Variants in AVL9 observed in about 807,000 individuals in gnomAD.
The protein encoded by AVL9 is late secretory pathway protein AVL9 homolog.
AVL9 carries 49 observed loss-of-function variants against 79.2 expected under a neutral mutation model. The observed-to-expected ratio is 0.62, with a 90% CI of 0.49 to 0.79. The LOEUF is 0.79. Among genes scored for constraint, AVL9 ranks in the 30% least tolerant of loss-of-function variants. AVL9 has a pLI of 0.00. For synonymous variants in AVL9, 299 were observed against 280.6 expected (o/e 1.07, Z -0.65); for missense variants, 682 against 776.8 (o/e 0.88, Z 1.45).
Position 32,579,486 on chromosome 7 carries a change from A to T in AVL9, c.1689-733A>T, listed in dbSNP as rs780448100. On this transcript the variant is annotated intron_variant, in intron 13 of 15. Coordinates refer to ENST00000318709, the MANE Select transcript of AVL9 (RefSeq NM_015060.3). ...TATATAATATATTATATTATATATA[A>T]TATATTACATATTATATATTATATA... Among the ~76,000 whole-genome samples the T allele has an allele frequency of 6.7e-4, 3 of 4,450 alleles. 1 individual carries two copies. Among genetic ancestry groups the T allele is most frequent in the African/African-American group, 3.9e-3 (3 of 778 alleles). 2.9% of individuals were successfully genotyped at this position (4,450 alleles called of 152,430 possible).
chr7:32,540,871 C>CTTTTTTTTTTTTT lies in AVL9; in HGVS notation c.94-2237_94-2225dup, dbSNP rs749306635. Among the ~76,000 whole-genome samples the CTTTTTTTTTTTTT allele has an allele frequency of 6.9e-5, 5 of 72,470 alleles. 1 individual carries two copies. Among genetic ancestry groups the CTTTTTTTTTTTTT allele is most frequent in the African/African-American group, 2.4e-4 (5 of 20,698 alleles). 47.5% of individuals were successfully genotyped at this position (72,470 alleles called of 152,430 possible). ...AATGAGATTAAGCATTGTTGTACTA[C>CTTTTTTTTTTTTT]TTTTTTTTTTTTTTTTTTTTTTTTT... On this transcript the variant is annotated intron_variant, in intron 1 of 15. Transcript: ENST00000318709.
rs535886443 is a variant in AVL9 at position 32,511,868 on chromosome 7, G to C, written c.93+16066G>C. Among the ~76,000 whole-genome samples the C allele has an allele frequency of 5.9e-5, 9 of 152,248 alleles. 1 individual carries two copies. The South Asian group carries it at 1.9e-3, about 32-fold the overall frequency. On this transcript the variant is annotated intron_variant, in intron 1 of 15. Transcript: ENST00000318709. ...GGTTGAGGCCGAGAAATTGGAGGTA[G>C]CTTTCTGGTCATTTTTCCAAATGAG...
intron 10 of AVL9, among the ~76,000 whole-genome samples, chr7:32,564,360 G>A (rs1177175022): frequency 2.0e-4 from 30 of 152,082 alleles, no homozygotes; most frequent in Non-Finnish European, 1.5e-5. Context: ...AGTAACTTTG[G>A]AATATAAAAT....
At chr7:32,518,363 T>C (rs1787998474) in intron 1 of AVL9, among the ~76,000 whole-genome samples, 1 of 152,174 alleles carries the variant, frequency 6.6e-6, no homozygotes, top group Non-Finnish European at 1.5e-5. Flanking sequence ...TTAAATGTAA[T>C]GGAATAAATA....
Position 32,559,382 on chromosome 7 carries a change from CG to C in AVL9, c.1136del (p.Gly379AspfsTer3). On this transcript the variant is annotated frameshift_variant, in exon 10 of 16. Transcript: ENST00000318709. LOFTEE classifies it high-confidence loss of function. Reference protein sequence around the residue: ...LPITVQPQANTGQVVLIPGLI... With the variant: ...LPITVQPQANXGQVVLIPGLI... ...ATTACTGTACAACCTCAAGCTAATA[CG>C]GGACAGGTAGTCCTGATACCAGGGC... 1 of 1,613,680 alleles carries C rather than the reference CG, an allele frequency of 6.2e-7. No homozygotes were observed. Among genetic ancestry groups the C allele is most frequent in the Non-Finnish European group, 8.5e-7 (1 of 1,179,892 alleles).
rs185975104 is a variant in AVL9, at chr7:32,579,144, G to A, written c.1689-1075G>A. 4.3e-3 allele frequency among the ~76,000 whole-genome samples: 646 copies of A among 148,676 alleles called. 2 individuals are homozygous for A. Among genetic ancestry groups the A allele is most frequent in the Non-Finnish European group, 5.5e-3 (370 of 67,578 alleles). ...TATAAGCAGCTATGGATTTTACTAG[G>A]GTCACTTTCTTTGTTAGACCTTGAC... On this transcript the variant is annotated intron_variant, in intron 13 of 15. Transcript: ENST00000318709.
chr7:32,526,647 G>A (rs1432319914), intron 1 of AVL9, among the ~76,000 whole-genome samples: 1 of 152,142 alleles, frequency 6.6e-6, no homozygotes, highest in Non-Finnish European at 1.5e-5. Context: ...TTCCCAGTTT[G>A]GAGGGTGCAT....
At chr7:32,575,881 C>T in intron 12 of AVL9, 74 bp from the exon 13 acceptor site, 1 of 1,083,524 alleles carries the variant, frequency 9.2e-7, no homozygotes, top group Non-Finnish European at 1.4e-6. Context: ...TTCCTTTACC[C>T]TTTTTGGTTA....
rs1791800811 is a variant in AVL9 at position 32,586,603 on chromosome 7, G to A, written c.*2696G>A. On this transcript the variant is annotated 3_prime_UTR_variant, in exon 16 of 16. Coordinates refer to ENST00000318709, the MANE Select transcript of AVL9 (RefSeq NM_015060.3). The stretch of plus-strand genomic sequence containing the variant: ...TAGGTCATCTTCTGACATAGCCCTG[G>A]TGAAGGTGTGTGTGTGTTGGTGGCC... 6.6e-6 allele frequency: 1 copy of A among 152,246 alleles called. No individual in the cohort carries two copies. The highest frequency in any genetic ancestry group is 2.1e-4 in the South Asian group (1 of 4,828). The allele number at this position is 152,246 out of a possible 1,614,324, so 9.4% of individuals were successfully genotyped here.
intron 1 of AVL9, among the ~76,000 whole-genome samples, chr7:32,511,522 A>G (rs1368576437): frequency 1.3e-5 from 2 of 152,054 alleles, no homozygotes; most frequent in Non-Finnish European, 2.9e-5. Flanking sequence ...TGGGGATTAG[A>G]GTACAGGGGA....
rs1790756354 is a variant in AVL9, at chr7:32,570,041, A to G, written c.1237A>G (p.Met413Val). ...ATAGGGATATCTGTGTTTGCCTTAC[A>G]TGGCATTGCAGCAGCATCATCTTCT... is the stretch of plus-strand genomic sequence containing the variant. ...FTKGYLCLPY[M>V]ALQQHHLLSD... Residue 413 changes from methionine to valine, a missense_variant, in exon 11 of 16, where the codon ATG becomes GTG. By Grantham distance (21) the Met-to-Val change is conservative. Transcript: ENST00000318709. The G allele has an allele frequency of 2.5e-6, 4 of 1,614,188 alleles. No individual in the cohort carries two copies. The highest frequency in any genetic ancestry group is 3.4e-6 in the Non-Finnish European group (4 of 1,180,020).
chr7:32,541,599 C>T (rs759196355), intron 1 of AVL9, among the ~76,000 whole-genome samples: 1 of 152,074 alleles, frequency 6.6e-6, no homozygotes, highest in Non-Finnish European at 1.5e-5. Context: ...TCCTGCCTTC[C>T]CTCACACTTT....
At position 32,584,670 on chromosome 7, in the gene AVL9, C is replaced by G. The variant is rs1017695930; in HGVS notation, c.*763C>G. 1 of 151,024 alleles carries G rather than the reference C, an allele frequency of 6.6e-6. No homozygotes were observed. The highest frequency in any genetic ancestry group is 1.5e-5 in the Non-Finnish European group (1 of 68,000). 9.4% of individuals were successfully genotyped at this position (151,024 alleles called of 1,614,324 possible). A position where few individuals can be genotyped will look rare whatever the true frequency, so the allele number is the denominator to read the frequency against. On this transcript the variant is annotated 3_prime_UTR_variant, in exon 16 of 16. Transcript: ENST00000318709. ...GAATGTGTCTGTAGGGCAATACTTT[C>G]AAAGAAGACCTATGTGTTTATTTTT... is the stretch of plus-strand genomic sequence containing the variant.
At chr7:32,528,104 A>G (rs189121306) in intron 1 of AVL9, among the ~76,000 whole-genome samples, 2 of 152,118 alleles carry the variant, frequency 1.3e-5, no homozygotes, top group African/African-American at 2.4e-5. Context: ...ATTCCTTTCT[A>G]TGCATAACTG....
intron 3 of AVL9, among the ~76,000 whole-genome samples, chr7:32,548,144 C>CTCTCTTTTTTTTTTTTTTTTTTTT (rs1227025763): frequency 1.2e-4 from 7 of 57,592 alleles, no homozygotes; most frequent in African/African-American, 3.2e-4. Flanking sequence ...TTTGTCATCT[C>CTCTCTTTTTTTTTTTTTTTTTTTT]TTTTTTCTTT....
At chr7:32,497,279 C>G (rs972535660) in intron 1 of AVL9, among the ~76,000 whole-genome samples, 4 of 152,152 alleles carry the variant, frequency 2.6e-5, no homozygotes, top group African/African-American at 9.7e-5. Context: ...TGCTTGAAGC[C>G]GGGAGGCAGA....
At chr7:32,560,591 C>T (rs1235504360) in intron 10 of AVL9, among the ~76,000 whole-genome samples, 3 of 152,098 alleles carry the variant, frequency 2.0e-5, no homozygotes, top group African/African-American at 7.2e-5. Context: ...TCTTGAACCC[C>T]CCAAAGTTAT....
At chr7:32,512,895 A>G (rs563272308) in intron 1 of AVL9, among the ~76,000 whole-genome samples, 9 of 152,060 alleles carry the variant, frequency 5.9e-5, no homozygotes, top group Non-Finnish European at 1.2e-4. Flanking sequence ...CCAAATTTCT[A>G]CCACATGTTT....
intron 1 of AVL9, among the ~76,000 whole-genome samples, chr7:32,512,943 A>C (rs1787744680): frequency 9.8e-6 from 1 of 102,052 alleles, no homozygotes; most frequent in Non-Finnish European, 2.4e-5. Context: ...ACTTCCCCTG[A>C]ATTTGTGTAT....
Sources: gnomAD v4.1 joint callset for allele counts (sites outside exome capture counted in the v4.1 genomes callset) on GRCh38, gnomAD v4.1.1 for gene constraint, MANE v1.5 for transcripts, NCBI Gene and HGNC (gene_info 2026-07-23, HGNC 2026-07-21) for gene names.